CYSLTR1: variants seen among roughly 807,000 people sequenced by gnomAD.
CYSLTR1 encodes the protein G-protein coupled receptor HG55.
CYSLTR1 carries 1 observed loss-of-function variant against 2.1 expected under a neutral mutation model. That is an observed-to-expected ratio of 0.48 (90% CI 0.17 to 2.28). CYSLTR1 has a LOEUF of 2.28. CYSLTR1 is among the 30% of genes most tolerant of loss of function. The probability of loss-of-function intolerance (pLI) is 0.26; values close to 1 mark genes in which losing one functional copy is unlikely to be tolerated. For missense variants in CYSLTR1, 299 were observed against 250.1 expected, an observed-to-expected ratio of 1.20 and a Z score of -1.32; for synonymous variants, 110 against 89.6, an observed-to-expected ratio of 1.23 and a Z score of -1.28.
In CYSLTR1 at chrX:78,305,700, T is replaced by C. The variant is rs1201327135; in HGVS notation, c.-115+21605A>G. Among the ~76,000 whole-genome samples the C allele has an allele frequency of 1.2e-4, 14 of 112,559 alleles. No individual in the cohort carries two copies. The Admixed American group carries it at 1.3e-3, about 11-fold the overall frequency. Reference sequence around the variant, plus strand: ...TCTGATTCTATAAATTTGACTATTTTAGATATTTCATTTAAGTGGAATAAG... The same window carrying C: ...TCTGATTCTATAAATTTGACTATTTCAGATATTTCATTTAAGTGGAATAAG... On this transcript the variant is annotated intron_variant, in intron 1 of 2. Transcript: ENST00000373304.
In CYSLTR1 at chrX:78,324,408, G is replaced by A. The variant is rs184891557; in HGVS notation, c.-115+2897C>T. 1.7e-4 allele frequency among the ~76,000 whole-genome samples: 19 copies of A among 112,063 alleles called. No homozygotes were observed. In the East Asian group the frequency reaches 2.2e-3, roughly 13 times the overall value. On this transcript the variant is annotated intron_variant, in intron 1 of 2. Transcript: ENST00000373304. Reference sequence around the variant, plus strand: ...TTTTGAGACGGAGTCTCGCTTTGTCGCCCGGCTTGAGTGCAGTGGCGCGAT... The same window carrying A: ...TTTTGAGACGGAGTCTCGCTTTGTCACCCGGCTTGAGTGCAGTGGCGCGAT...
At chrX:78,319,358 T>A (rs1395587820) in intron 1 of CYSLTR1, 6 of 102,745 alleles carry the variant, frequency 5.8e-5, no homozygotes, top group Admixed American at 1.1e-4. Context: ...AGTGAGAACA[T>A]GCAGTGTTTG....
chrX:78,288,803 A>G (rs186348224), intron 1 of CYSLTR1, among the ~76,000 whole-genome samples: 240 of 110,996 alleles, frequency 2.2e-3, no homozygotes, highest in African/African-American at 7.5e-3. Context: ...ACTGGGTCTT[A>G]TTCATTCTCT....
At chrX:78,299,956 T>A (rs1297375500) in intron 1 of CYSLTR1, among the ~76,000 whole-genome samples, 1 of 111,952 alleles carries the variant, frequency 8.9e-6, no homozygotes, top group East Asian at 2.8e-4. Flanking sequence ...ATTTTTTAGA[T>A]CCTGTAGGAA....
At chrX:78,312,488 C>T (rs1318166430) in intron 1 of CYSLTR1, among the ~76,000 whole-genome samples, 3 of 111,644 alleles carry the variant, frequency 2.7e-5, no homozygotes, top group Non-Finnish European at 3.8e-5. Flanking sequence ...CCTAATTTAA[C>T]TAAAGAATTT....
At chrX:78,274,323 G>A (rs1025371432) in intron 2 of CYSLTR1, among the ~76,000 whole-genome samples, 13 of 110,950 alleles carry the variant, frequency 1.2e-4, no homozygotes, top group African/African-American at 4.3e-4. Flanking sequence ...TATACTACAA[G>A]GCTACAGTAA....
intron 1 of CYSLTR1, among the ~76,000 whole-genome samples, chrX:78,284,396 T>C (rs1267412449): frequency 9.0e-6 from 1 of 111,556 alleles, no homozygotes; most frequent in Non-Finnish European, 1.9e-5. Context: ...TTAAAATTTT[T>C]AAAATTTTAT....
At chrX:78,293,931 C>T (rs1298232820) in intron 1 of CYSLTR1, among the ~76,000 whole-genome samples, 1 of 111,856 alleles carries the variant, frequency 8.9e-6, no homozygotes. Flanking sequence ...CAAACATCCT[C>T]CTTTAGCTCG....
chrX:78,302,176 C>T (rs1922845964), intron 1 of CYSLTR1, among the ~76,000 whole-genome samples: 1 of 112,103 alleles, frequency 8.9e-6, no homozygotes, highest in Non-Finnish European at 1.9e-5. Context: ...AGAGGAGCCT[C>T]ACCCCATGGT....
intron 1 of CYSLTR1, among the ~76,000 whole-genome samples, chrX:78,305,379 T>C (rs1454172808): frequency 8.9e-6 from 1 of 111,829 alleles, no homozygotes; most frequent in African/African-American, 3.2e-5. Context: ...CAGATTGTTT[T>C]AGAGTCCAAA....
intron 2 of CYSLTR1, among the ~76,000 whole-genome samples, chrX:78,280,475 A>T (rs1921789762): frequency 9.4e-6 from 1 of 105,870 alleles, no homozygotes; most frequent in Non-Finnish European, 1.9e-5. Flanking sequence ...TCCCTAACAA[A>T]GTTAATCAAC....
At chrX:78,320,044 T>G (rs997985459) in intron 1 of CYSLTR1, 4 of 112,050 alleles carry the variant, frequency 3.6e-5, no homozygotes, top group African/African-American at 1.3e-4. Context: ...AAAAATTTTC[T>G]CCCATTCTAT....
chrX:78,290,365 C>A (rs1409884002), intron 1 of CYSLTR1, among the ~76,000 whole-genome samples: 1 of 111,682 alleles, frequency 9.0e-6, no homozygotes, highest in African/African-American at 3.3e-5. Context: ...GTTACTGTAG[C>A]CTTATAGTAT....
chrX:78,293,721 C>A (rs1387551382), intron 1 of CYSLTR1, among the ~76,000 whole-genome samples: 1 of 111,416 alleles, frequency 9.0e-6, no homozygotes, highest in Non-Finnish European at 1.9e-5. Context: ...TGCTTCATTT[C>A]ATTCATTTGA....
In CYSLTR1 at chrX:78,273,690, A is replaced by G; in HGVS notation, c.57T>C (p.Asp19=). ...VSSATCHDTI[D]DFRNQVYSTL... ...TGGAATACACTTGATTGCGGAAGTCATCAATAGTGTCATGGCATGTGGCAG... is the reference window on the plus strand; with the variant it reads ...TGGAATACACTTGATTGCGGAAGTCGTCAATAGTGTCATGGCATGTGGCAG... The change falls in exon 3 of 3, where the codon GAT becomes GAC. Residue 19 remains aspartate (D), a synonymous_variant. Coordinates refer to ENST00000373304, the MANE Select transcript of CYSLTR1 (RefSeq NM_006639.4). 1.7e-6 allele frequency: 2 copies of G among 1,210,114 alleles called. No individual in the cohort carries two copies. The highest frequency in any genetic ancestry group is 2.2e-6 in the Non-Finnish European group (2 of 894,210).
At chrX:78,313,938 C>A (rs191864857) in intron 1 of CYSLTR1, among the ~76,000 whole-genome samples, 1 of 111,367 alleles carries the variant, frequency 9.0e-6, no homozygotes, top group Non-Finnish European at 1.9e-5. Flanking sequence ...TGTCTTTTTG[C>A]ATTATGGTAG....
intron 1 of CYSLTR1, among the ~76,000 whole-genome samples, chrX:78,290,456 G>A (rs1251189116): frequency 9.0e-6 from 1 of 111,616 alleles, no homozygotes. Context: ...CTCTTTTTTG[G>A]TTCCATATGA....
intron 1 of CYSLTR1, among the ~76,000 whole-genome samples, chrX:78,300,393 T>TGAAAAAAAC (rs1922766635): frequency 1.8e-5 from 2 of 112,773 alleles, no homozygotes; most frequent in Non-Finnish European, 3.7e-5. Flanking sequence ...AATTAGGTAT[T>TGAAAAAAAC]TATTTCAGCA....
intron 1 of CYSLTR1, chrX:78,319,636 G>A (rs1464647261): frequency 4.5e-5 from 5 of 111,464 alleles, no homozygotes; most frequent in Non-Finnish European, 7.5e-5. Context: ...ACCCAGTAAT[G>A]GGATGGCTAG....
Sources: allele counts gnomAD v4.1 joint callset (sites outside exome capture counted in the v4.1 genomes callset), GRCh38; gene constraint gnomAD v4.1.1; transcripts MANE v1.5; gene names NCBI Gene and HGNC (gene_info 2026-07-23, HGNC 2026-07-21).